MEGF6: variants seen among roughly 807,000 people sequenced by gnomAD.
MEGF6 encodes the protein multiple epidermal growth factor-like domains protein 6.
MEGF6 carries 184 observed loss-of-function variants against 207.1 expected under a neutral mutation model. That is an observed-to-expected ratio of 0.89 (90% CI 0.79 to 1.00). The LOEUF (loss-of-function observed/expected upper bound fraction) is 1.00. Ranked by LOEUF, MEGF6 falls within the 50% of genes least tolerant of loss-of-function variation. The pLI is 0.00. For synonymous variants in MEGF6, 1,038 were observed against 910.0 expected (o/e 1.14, Z -2.53); for missense variants, 2,282 against 2,202.9 (o/e 1.04, Z -0.72).
chr1:3,583,884 A>ATG (rs1643861232), intron 3 of MEGF6, among the ~76,000 whole-genome samples: 2 of 151,352 alleles, frequency 1.3e-5, no homozygotes, highest in Non-Finnish European at 2.9e-5. Context: ...CCACCAGACA[A>ATG]CGCGCAGCCA....
At chr1:3,550,756 C>T (rs561932460) in intron 4 of MEGF6, among the ~76,000 whole-genome samples, 1 of 152,364 alleles carries the variant, frequency 6.6e-6, no homozygotes, top group African/African-American at 2.4e-5. Flanking sequence ...AAGACCCAGC[C>T]CTTGCAGCCG....
At chr1:3,523,993 G>C in intron 5 of MEGF6, 131 bp downstream of exon 5, 1 of 1,046,870 alleles carries the variant, frequency 9.6e-7, no homozygotes, top group Non-Finnish European at 1.4e-6. Context: ...TCCGCAGGAA[G>C]GAGCCACTGC....
chr1:3,610,969 A>G (rs1241316458), intron 1 of MEGF6, among the ~76,000 whole-genome samples, 169 bp downstream of exon 1: 1 of 152,180 alleles, frequency 6.6e-6, no homozygotes, highest in Non-Finnish European at 1.5e-5. Flanking sequence ...AGGGCCCCAG[A>G]CTCGACCCTG....
intron 17 of MEGF6, among the ~76,000 whole-genome samples, chr1:3,504,295 G>A (rs1253409084): frequency 6.6e-6 from 1 of 152,176 alleles, no homozygotes; most frequent in Non-Finnish European, 1.5e-5. Flanking sequence ...GACCTGCCCA[G>A]GCCCTGTTGG....
At chr1:3,515,379 C>T (rs773432129) in intron 6 of MEGF6, 23 bp downstream of exon 6, 2 of 1,601,338 alleles carry the variant, frequency 1.2e-6, no homozygotes, top group South Asian at 2.2e-5. Context: ...CCAGGTCCTC[C>T]CTCCCAGGCT....
chr1:3,550,966 C>A (rs776579527), intron 4 of MEGF6, among the ~76,000 whole-genome samples: 1 of 152,220 alleles, frequency 6.6e-6, no homozygotes, highest in Non-Finnish European at 1.5e-5. Flanking sequence ...AGGCTCCAGC[C>A]GGCCAGGGCT....
chr1:3,511,165 G>A (rs1641332547), intron 9 of MEGF6, among the ~76,000 whole-genome samples: 2 of 152,268 alleles, frequency 1.3e-5, no homozygotes, highest in African/African-American at 4.8e-5. Flanking sequence ...AGGGCCACCC[G>A]CCTGTCTGCT....
At chr1:3,619,116 G>C in the MEGF6 span, among the ~76,000 whole-genome samples, 43,191 of 152,046 alleles carry the variant, frequency 0.28, 6,182 homozygotes, top group Middle Eastern at 0.36. Flanking sequence ...ATGACTTCAT[G>C]TAGGGCCTGA....
At chr1:3,577,769 GC>G (rs1643681605) in intron 4 of MEGF6, among the ~76,000 whole-genome samples, 5 of 152,212 alleles carry the variant, frequency 3.3e-5, no homozygotes, top group Admixed American at 3.3e-4. Flanking sequence ...GGGCATCTGA[GC>G]CCACTCCGCA....
upstream of MEGF6, among the ~76,000 whole-genome samples, chr1:3,614,022 C>T (rs1364925005): frequency 1.3e-5 from 2 of 152,190 alleles, no homozygotes; most frequent in African/African-American, 2.4e-5. Flanking sequence ...GAAATCCCTG[C>T]GGTCAGGACA....
At chr1:3,522,475 C>T (rs938803155) in intron 5 of MEGF6, among the ~76,000 whole-genome samples, 14 of 152,126 alleles carry the variant, frequency 9.2e-5, no homozygotes, top group African/African-American at 3.1e-4. Context: ...TTAAAATGGG[C>T]GAGCACCGCA....
At chr1:3,522,987 T>C (rs76414895) in intron 5 of MEGF6, among the ~76,000 whole-genome samples, 26 of 152,220 alleles carry the variant, frequency 1.7e-4, no homozygotes, top group African/African-American at 6.0e-4. Context: ...ACAACATTCC[T>C]GCATCTGTTT....
intron 4 of MEGF6, among the ~76,000 whole-genome samples, chr1:3,577,378 C>T (rs957561750): frequency 2.6e-5 from 4 of 152,248 alleles, no homozygotes; most frequent in African/African-American, 9.6e-5. Flanking sequence ...GTCCCTGCAC[C>T]AGGTGGCAGC....
In MEGF6 at chr1:3,528,215, C is replaced by A. The variant is rs75939681; in HGVS notation, c.482-3969G>T. ...GCTGGGGTCCCCTCCACTCTGAGATCTCAGCCCCTTTGAACTGAGCAAATC... is the reference window on the plus strand; with the variant it reads ...GCTGGGGTCCCCTCCACTCTGAGATATCAGCCCCTTTGAACTGAGCAAATC... On this transcript the variant is annotated intron_variant, in intron 4 of 36. Coordinates refer to ENST00000356575, the MANE Select transcript of MEGF6 (RefSeq NM_001409.4). Among the ~76,000 whole-genome samples the A allele has an allele frequency of 4.0e-3, 604 of 152,364 alleles. 2 individuals are homozygous for A. The highest frequency in any genetic ancestry group is 0.014 in the African/African-American group (580 of 41,580).
rs765916152 is a variant in MEGF6, at chr1:3,496,751, C to T, written c.3646G>A (p.Glu1216Lys). ...CCGTTGAGACACCCACACAGCTGTTCACAGCCTGGCCCATACCGCCCGGGC... is the reference window on the plus strand; with the variant it reads ...CCGTTGAGACACCCACACAGCTGTTTACAGCCTGGCCCATACCGCCCGGGC... ...CPPGRYGPGC[E>K]QLCGCLNGGS... The change falls in exon 29 of 37, where the codon GAA (glutamate) becomes AAA (lysine). Residue 1216 changes from glutamate (E) to lysine (K), a missense_variant. Glu to Lys is a moderately conservative substitution (Grantham distance 56, BLOSUM62 1). Transcript: ENST00000356575. 2.8e-5 allele frequency: 43 copies of T among 1,559,898 alleles called. No individual in the cohort carries two copies. The highest frequency in any genetic ancestry group is 3.6e-5 in the Non-Finnish European group (42 of 1,152,442).
rs530992076 is a variant in MEGF6 at position 3,514,589 on chromosome 1, C to T, written c.814G>A (p.Val272Met). The part of the protein sequence containing the change: ...VRGLARCECH[V>M]GYQLAADGKA... ...CCGTCCGCTGCTAGCTGATAGCCCACGTGGCACTCACAGCGGGCGAGGCCC... is the reference window on the plus strand; with the variant it reads ...CCGTCCGCTGCTAGCTGATAGCCCATGTGGCACTCACAGCGGGCGAGGCCC... Residue 272 changes from valine to methionine, a missense_variant, in exon 7 of 37, where the codon GTG (valine) becomes ATG (methionine). Transcript: ENST00000356575. The T allele has an allele frequency of 1.2e-5, 19 of 1,587,758 alleles. No homozygotes were observed. In the Admixed American group the frequency reaches 1.2e-4, roughly 10 times the overall value.
In MEGF6 at chr1:3,499,257, G is replaced by C. The variant is rs1049624472; in HGVS notation, c.2975C>G (p.Ala992Gly). Residue 992 changes from alanine to glycine, a missense_variant, in exon 24 of 37, where the codon GCC (alanine) becomes GGC (glycine). By Grantham distance (60) the Ala-to-Gly change is moderately conservative. Coordinates refer to ENST00000356575, the MANE Select transcript of MEGF6 (RefSeq NM_001409.4). ...GCTGCAATTGTGCCCGTAGGTGTGG[G>C]CTGGGCAGGCTGCAGGTGGAGAGGG... ...RGPRCAETCP[A>G]HTYGHNCSQA... 6.2e-7 allele frequency: 1 copy of C among 1,604,304 alleles called. No individual in the cohort carries two copies. Among genetic ancestry groups the C allele is most frequent in the Middle Eastern group, 1.9e-4 (1 of 5,146 alleles).
chr1:3,509,839 G>A (rs1641267647), intron 11 of MEGF6, 31 bp downstream of exon 11: 8 of 1,528,416 alleles, frequency 5.2e-6, no homozygotes, highest in Non-Finnish European at 7.0e-6. Context: ...GAAGGCAGAG[G>A]CCGGTGCTCC....
chr1:3,612,282 A>G (rs1002848784), upstream of MEGF6, among the ~76,000 whole-genome samples: 1 of 151,802 alleles, frequency 6.6e-6, no homozygotes, highest in African/African-American at 2.4e-5. Flanking sequence ...GCTAATTTCT[A>G]GGGTGCCCAT....
Sources: allele counts gnomAD v4.1 joint callset (sites outside exome capture counted in the v4.1 genomes callset), GRCh38; gene constraint gnomAD v4.1.1; transcripts MANE v1.5; gene names NCBI Gene and HGNC (gene_info 2026-07-23, HGNC 2026-07-21).